Variants in SYT16 observed in about 807,000 individuals in gnomAD.
SYT16 encodes synaptotagmin 16, also known as synaptotagmin-16.
Under a neutral mutation model 61.4 loss-of-function variants are expected in SYT16, and 42 were observed. The ratio of observed to expected loss-of-function variants is 0.68; its 90% CI spans 0.53 to 0.89. The LOEUF (loss-of-function observed/expected upper bound fraction) is 0.89. Ranked by LOEUF, SYT16 falls within the 40% of genes least tolerant of loss-of-function variation. The pLI is 0.00. For missense variants in SYT16, 804 were observed against 807.3 expected (o/e 1.00, Z 0.05); for synonymous variants, 314 against 302.3 (o/e 1.04, Z -0.40).
At chr14:62,055,328 GTT>G (rs1435136185) in intron 3 of SYT16, among the ~76,000 whole-genome samples, 1 of 152,210 alleles carries the variant, frequency 6.6e-6, no homozygotes, top group Non-Finnish European at 1.5e-5. Context: ...GAGGCTGACA[GTT>G]TCACACTTGC....
intron 1 of SYT16, among the ~76,000 whole-genome samples, chr14:61,902,732 A>G (rs566999496): frequency 6.6e-6 from 1 of 151,040 alleles, no homozygotes; most frequent in South Asian, 2.1e-4. Context: ...AGGGACTCAA[A>G]TTTCCACATG....
At position 62,092,173 on chromosome 14, in the gene SYT16, A is replaced by AACACACACACAC. The variant is rs56324432; in HGVS notation, c.1624+7831_1624+7842dup. Among the ~76,000 whole-genome samples the AACACACACACAC allele has an allele frequency of 2.1e-3, 271 of 131,376 alleles. 3 individuals are homozygous for AACACACACACAC. The highest frequency in any genetic ancestry group is 7.1e-3 in the Admixed American group (88 of 12,452). 86.2% of individuals were successfully genotyped at this position (131,376 alleles called of 152,430 possible). A position where few individuals can be genotyped will look rare whatever the true frequency, so the allele number is the denominator to read the frequency against. On this transcript the variant is annotated intron_variant, in intron 7 of 7. Coordinates refer to ENST00000683842, the MANE Select transcript of SYT16 (RefSeq NM_001367656.1). ...TCATACCCATTAGGATGGCTACTAT[A>AACACACACACAC]ACACACACACACACACACACACACA...
At chr14:61,830,352 A>G (rs144466202) in intron 1 of SYT16, among the ~76,000 whole-genome samples, 8 of 152,318 alleles carry the variant, frequency 5.3e-5, no homozygotes, top group African/African-American at 7.2e-5. Context: ...TTTAGAGGCA[A>G]TCAACCTGCT....
At chr14:61,984,711 G>T (rs537468832) in intron 2 of SYT16, among the ~76,000 whole-genome samples, 4 of 152,156 alleles carry the variant, frequency 2.6e-5, no homozygotes, top group Admixed American at 2.0e-4. Context: ...GACAGGCATT[G>T]TTGGCTTAAA....
At chr14:61,954,835 A>G (rs1199701317) in intron 1 of SYT16, among the ~76,000 whole-genome samples, 1 of 152,154 alleles carries the variant, frequency 6.6e-6, no homozygotes, top group Non-Finnish European at 1.5e-5. Flanking sequence ...CATGACCTAT[A>G]ATATTTAAAC....
In SYT16 at chr14:62,016,569, C is replaced by T. The variant is rs1232569555; in HGVS notation, c.523+20027C>T. ...AAAAAAAAAAAAAAAAAAAATTAGC[C>T]GGGCGTGGTGGCGGGTGCCTGTAGT... On this transcript the variant is annotated intron_variant, in intron 3 of 7. Transcript: ENST00000683842. Among the ~76,000 whole-genome samples the T allele has an allele frequency of 6.7e-5, 10 of 148,598 alleles. 1 individual carries two copies. The highest frequency in any genetic ancestry group is 4.3e-4 in the South Asian group (2 of 4,654).
chr14:61,816,033 G>C (rs938459111), intron 1 of SYT16, among the ~76,000 whole-genome samples: 4 of 152,178 alleles, frequency 2.6e-5, no homozygotes, highest in African/African-American at 9.7e-5. Flanking sequence ...TTTTCAGGTG[G>C]ATGTGTCTTT....
At chr14:61,965,678 T>A (rs2051287376) in intron 1 of SYT16, among the ~76,000 whole-genome samples, 1 of 151,788 alleles carries the variant, frequency 6.6e-6, no homozygotes, top group Admixed American at 6.6e-5. Context: ...GTAGGGAATG[T>A]TTAATATCTG....
chr14:61,958,369 TTTTA>T (rs2050968132), intron 1 of SYT16, among the ~76,000 whole-genome samples: 1 of 151,960 alleles, frequency 6.6e-6, no homozygotes, highest in African/African-American at 2.4e-5. Flanking sequence ...TAGTTAGGTT[TTTTA>T]TTTGAGATCT....
chr14:61,915,390 T>C (rs1184709989), intron 1 of SYT16, among the ~76,000 whole-genome samples: 4 of 152,184 alleles, frequency 2.6e-5, no homozygotes, highest in African/African-American at 9.6e-5. Context: ...CATACATCTA[T>C]GAACTAGAAA....
At position 61,922,279 on chromosome 14, in the gene SYT16, A is replaced by G. The variant is rs988234847; in HGVS notation, c.-324-47853A>G. On this transcript the variant is annotated intron_variant, in intron 1 of 7. Coordinates refer to ENST00000683842, the MANE Select transcript of SYT16 (RefSeq NM_001367656.1). Reference sequence around the variant, plus strand: ...TCGCAATAGTAAAGACATGGAATCAACCTAAATGCCCATCAATGGCAGATT... The same window carrying G: ...TCGCAATAGTAAAGACATGGAATCAGCCTAAATGCCCATCAATGGCAGATT... 3.3e-5 allele frequency among the ~76,000 whole-genome samples: 5 copies of G among 152,236 alleles called. No homozygotes were observed. In the South Asian group the frequency reaches 1.0e-3, roughly 31 times the overall value.
Position 61,995,949 on chromosome 14 carries a change from A to T in SYT16, c.-71A>T. ...ATTAATTTCTCAACATGCTTATTCT[A>T]TAGTTCACATTCAATCCAGAGCACT... On this transcript the variant is annotated 5_prime_UTR_variant, in exon 3 of 8. Transcript: ENST00000683842. The T allele has an allele frequency of 1.4e-6, 2 of 1,430,984 alleles. No individual in the cohort carries two copies. Among genetic ancestry groups the T allele is most frequent in the Non-Finnish European group, 1.9e-6 (2 of 1,063,098 alleles). The allele number at this position is 1,430,984 out of a possible 1,614,324, so 88.6% of individuals were successfully genotyped here. A position where few individuals can be genotyped will look rare whatever the true frequency, so the allele number is the denominator to read the frequency against.
chr14:61,994,834 T>C (rs372787600), intron 2 of SYT16, among the ~76,000 whole-genome samples: 10 of 152,284 alleles, frequency 6.6e-5, no homozygotes, highest in South Asian at 2.1e-4. Flanking sequence ...AATGCATCCA[T>C]GAATGGCTAA....
chr14:62,076,490 C>A (rs1396069441), intron 5 of SYT16, among the ~76,000 whole-genome samples: 1 of 151,486 alleles, frequency 6.6e-6, no homozygotes, highest in African/African-American at 2.4e-5. Flanking sequence ...CAAGCCTTAA[C>A]TGCTAACATG....
At chr14:62,072,281 GTA>G (rs2056326775) in intron 4 of SYT16, among the ~76,000 whole-genome samples, 1 of 152,112 alleles carries the variant, frequency 6.6e-6, no homozygotes, top group South Asian at 2.1e-4. Flanking sequence ...GTTTGAGATG[GTA>G]TATCTGCCAT....
chr14:62,009,568 G>C (rs2053362104), intron 3 of SYT16, among the ~76,000 whole-genome samples: 1 of 152,174 alleles, frequency 6.6e-6, no homozygotes, highest in Non-Finnish European at 1.5e-5. Flanking sequence ...GTTGGGTTTA[G>C]AATTCTGCAA....
At chr14:61,915,212 T>G (rs1174018698) in intron 1 of SYT16, among the ~76,000 whole-genome samples, 3 of 152,158 alleles carry the variant, frequency 2.0e-5, no homozygotes, top group African/African-American at 4.8e-5. Context: ...GTAAAGTGGT[T>G]AGATGAACAT....
chr14:61,874,784 T>C (rs1238917459), intron 1 of SYT16, among the ~76,000 whole-genome samples: 1 of 151,848 alleles, frequency 6.6e-6, no homozygotes, highest in Non-Finnish European at 1.5e-5. Context: ...TTTTTTTTTT[T>C]TTACATGTTC....
chr14:61,910,114 A>G (rs1394399659), intron 1 of SYT16, among the ~76,000 whole-genome samples: 2 of 152,222 alleles, frequency 1.3e-5, no homozygotes, highest in Admixed American at 1.3e-4. Context: ...TTCTACTCTT[A>G]CTTGCTATCA....
Sources: allele counts gnomAD v4.1 joint callset (sites outside exome capture counted in the v4.1 genomes callset), GRCh38; gene constraint gnomAD v4.1.1; transcripts MANE v1.5; gene names NCBI Gene and HGNC (gene_info 2026-07-23, HGNC 2026-07-21).